BABAM2: variants seen among roughly 807,000 people sequenced by gnomAD.
BABAM2 encodes BRISC and BRCA1-A complex member 2.
A neutral mutation model predicts 54.7 loss-of-function variants in BABAM2; 31 were observed. The ratio of observed to expected loss-of-function variants is 0.57; its 90% CI spans 0.43 to 0.77. BABAM2 has a LOEUF of 0.77. Ranked by LOEUF, BABAM2 falls within the 30% of genes least tolerant of loss-of-function variation. The pLI, the probability that BABAM2 is intolerant of heterozygous loss-of-function variation, is 0.00. For missense variants in BABAM2, 364 were observed against 455.8 expected, an observed-to-expected ratio of 0.80 and a Z score of 1.83; for synonymous variants, 167 against 162.9, an observed-to-expected ratio of 1.03 and a Z score of -0.19.
intron 7 of BABAM2, among the ~76,000 whole-genome samples, chr2:28,162,409 C>A (rs1168865871): frequency 6.6e-6 from 1 of 152,142 alleles, no homozygotes; most frequent in Non-Finnish European, 1.5e-5. Flanking sequence ...ATTCTCTTAG[C>A]CTCCTTTTTG....
At chr2:28,233,082 C>T (rs942317096) in intron 7 of BABAM2, 1 of 349,324 alleles carries the variant, frequency 2.9e-6, no homozygotes, top group South Asian at 2.3e-5. Flanking sequence ...TATTTTATTC[C>T]ATGAAGAGAG....
intron 3 of BABAM2, 45 bp from the exon 4 acceptor site, chr2:27,987,948 C>T: frequency 6.6e-7 from 1 of 1,504,324 alleles, no homozygotes; most frequent in Non-Finnish European, 9.2e-7. Flanking sequence ...AATATTCATA[C>T]TTAGAAAGGA....
At chr2:28,003,330 G>A (rs1673711582) in intron 4 of BABAM2, among the ~76,000 whole-genome samples, 1 of 152,122 alleles carries the variant, frequency 6.6e-6, no homozygotes, top group South Asian at 2.1e-4. Context: ...AGCTCCCAGA[G>A]ATTTCAATTT....
At chr2:27,939,341 A>G (rs1002687686) in intron 3 of BABAM2, among the ~76,000 whole-genome samples, 1 of 152,242 alleles carries the variant, frequency 6.6e-6, no homozygotes, top group Non-Finnish European at 1.5e-5. Context: ...CTTAAGCTCA[A>G]TAAAGTTAGA....
chr2:28,251,851 A>T (rs538323504), intron 10 of BABAM2, among the ~76,000 whole-genome samples: 1 of 152,354 alleles, frequency 6.6e-6, no homozygotes, highest in African/African-American at 2.4e-5. Flanking sequence ...TGTTTACCTC[A>T]TATCAGACAT....
chr2:28,181,931 G>A (rs1430506645), intron 7 of BABAM2, among the ~76,000 whole-genome samples: 1 of 152,142 alleles, frequency 6.6e-6, no homozygotes, highest in Admixed American at 6.6e-5. Context: ...AGAAGGAGGT[G>A]TCAGAGTGAG....
intron 7 of BABAM2, among the ~76,000 whole-genome samples, chr2:28,224,849 G>GAAAAAAAAAAAAAAAAAAAAAAAAAAA (rs1406843262): frequency 1.7e-5 from 1 of 60,372 alleles, no homozygotes; most frequent in African/African-American, 5.8e-5. Context: ...ACGGTAAATT[G>GAAAAAAAAAAAAAAAAAAAAAAAAAAA]ACAAAAAAAA....
intron 10 of BABAM2, among the ~76,000 whole-genome samples, chr2:28,276,050 G>T (rs776781041): frequency 6.0e-5 from 9 of 150,698 alleles, no homozygotes; most frequent in Non-Finnish European, 1.0e-4. Context: ...GGACTAATAT[G>T]ACAACAAGAT....
In BABAM2 at chr2:28,009,529, G is replaced by A. The variant is rs145439698; in HGVS notation, c.301-15697G>A. ...GGATGTTAATGCTTTGTTAAGGTTC[G>A]TGAAGCACTTCATTGGAGAGAGTAT... is the stretch of plus-strand genomic sequence containing the variant. On this transcript the variant is annotated intron_variant, in intron 4 of 11. Coordinates refer to ENST00000379624, the MANE Select transcript of BABAM2 (RefSeq NM_199191.3). Among the ~76,000 whole-genome samples, 872 of 152,210 alleles carry A rather than the reference G, an allele frequency of 5.7e-3. 10 individuals carry two copies. Among genetic ancestry groups the A allele is most frequent in the African/African-American group, 0.02 (837 of 41,522 alleles).
At chr2:27,890,096 G>A, upstream of BABAM2, 2 of 607,824 alleles carry the variant, frequency 3.3e-6, no homozygotes, top group Non-Finnish European at 5.8e-6. This position sits in a 1 kb window ranked among gnomAD's most constrained non-coding sequence, Gnocchi z 4.8. Flanking sequence ...GTTCTTTCAT[G>A]CCAGGAAGGT....
rs781251587 is a variant in BABAM2, at chr2:28,241,357, G to A, written c.815G>A (p.Arg272Lys). 4.3e-6 allele frequency: 7 copies of A among 1,614,144 alleles called. No homozygotes were observed. In the South Asian group the frequency reaches 7.7e-5, roughly 18 times the overall value. ...GTGATTCAAGGGTATCACAAAAGAA[G>A]AGAGTATATTGCTGCTTTTCTCAGT... is the stretch of plus-strand genomic sequence containing the variant. ...QYVIQGYHKRREYIAAFLSHF... is the reference protein window; with the variant it reads ...QYVIQGYHKRKEYIAAFLSHF... Residue 272 changes from arginine (R) to lysine (K), a missense_variant, in exon 9 of 12, where the codon AGA becomes AAA. Coordinates refer to ENST00000379624, the MANE Select transcript of BABAM2 (RefSeq NM_199191.3).
chr2:28,026,907 AAT>A (rs1558667683), intron 5 of BABAM2, among the ~76,000 whole-genome samples: 3 of 34,344 alleles, frequency 8.7e-5, no homozygotes, highest in African/African-American at 2.6e-4. Context: ...AATATATATA[AAT>A]ATATATTAAT....
At chr2:28,033,523 G>A (rs554014570) in intron 5 of BABAM2, among the ~76,000 whole-genome samples, 4 of 152,026 alleles carry the variant, frequency 2.6e-5, no homozygotes, top group South Asian at 2.1e-4. Context: ...TAGCATGCTC[G>A]CTTAGGTCAA....
rs1294708678 is a variant in BABAM2, at chr2:28,322,178, A to G, written c.1089-16272A>G. Reference sequence around the variant, plus strand: ...CTGAGACTGGGGCAGAGTAGTCTGGAGTGCTGCATGTAAAGCTAGGCACTC... The same window carrying G: ...CTGAGACTGGGGCAGAGTAGTCTGGGGTGCTGCATGTAAAGCTAGGCACTC... On this transcript the variant is annotated intron_variant, in intron 11 of 11. Coordinates refer to ENST00000379624, the MANE Select transcript of BABAM2 (RefSeq NM_199191.3). The surrounding 1 kb of genome is among the most constrained non-coding windows in gnomAD (Gnocchi z 4.1). Among the ~76,000 whole-genome samples the G allele has an allele frequency of 6.6e-6, 1 of 151,976 alleles. No individual in the cohort carries two copies. The highest frequency in any genetic ancestry group is 1.5e-5 in the Non-Finnish European group (1 of 68,002).
Position 28,045,723 on chromosome 2 carries a change from A to C in BABAM2, c.496-2A>C. 1 of 1,609,082 alleles carries C rather than the reference A, an allele frequency of 6.2e-7. No individual in the cohort carries two copies. The highest frequency in any genetic ancestry group is 8.5e-7 in the Non-Finnish European group (1 of 1,176,748). ...CTTATTATTATAACTTTCTTTTTAC[A>C]GACTGGTGAATTTTCAGCTCGTTTC... On this transcript the variant is annotated splice_acceptor_variant, in intron 5 of 11. Transcript: ENST00000379624. LOFTEE classifies it high-confidence loss of function.
At chr2:28,243,229 G>A (rs566995694) in intron 9 of BABAM2, among the ~76,000 whole-genome samples, 31 of 151,976 alleles carry the variant, frequency 2.0e-4, no homozygotes, top group African/African-American at 4.6e-4. Context: ...AACATTATTG[G>A]GCTAATTATA....
At chr2:27,998,934 G>C (rs1367122991) in intron 4 of BABAM2, among the ~76,000 whole-genome samples, 1 of 152,164 alleles carries the variant, frequency 6.6e-6, no homozygotes, top group East Asian at 1.9e-4. Flanking sequence ...CTTTCAAGAG[G>C]ACTTTGGTTT....
upstream of BABAM2, among the ~76,000 whole-genome samples, chr2:27,889,609 C>T (rs1664661030): frequency 6.6e-6 from 1 of 152,134 alleles, no homozygotes; most frequent in African/African-American, 2.4e-5. Context: ...GGCATATTTT[C>T]TATCATAATT....
rs111776994 is a variant in BABAM2 at position 28,316,520 on chromosome 2, C to T, written c.1088+18029C>T. On this transcript the variant is annotated intron_variant, in intron 11 of 11. Coordinates refer to ENST00000379624, the MANE Select transcript of BABAM2 (RefSeq NM_199191.3). ...AGCCCCCTCTGTCTGGGCAAGAACA[C>T]ACATCAGCCTTTCCCTCCTCCAACT... is the stretch of plus-strand genomic sequence containing the variant. 6.2e-4 allele frequency among the ~76,000 whole-genome samples: 95 copies of T among 152,218 alleles called. 3 individuals are homozygous for T. Among genetic ancestry groups the T allele is most frequent in the African/African-American group, 2.1e-3 (89 of 41,526 alleles).
Sources: gnomAD v4.1 joint callset for allele counts (sites outside exome capture counted in the v4.1 genomes callset) on GRCh38, gnomAD v4.1.1 for gene constraint, Gnocchi (gnomAD v3.1) non-coding constraint, MANE v1.5 for transcripts, NCBI Gene and HGNC (gene_info 2026-07-23, HGNC 2026-07-21) for gene names.